The following FUCA1 variants were observed in gnomAD, a reference collection of about 807,000 sequenced individuals.
The protein encoded by FUCA1 is tissue alpha-L-fucosidase.
A neutral mutation model predicts 56.8 loss-of-function variants in FUCA1; 52 were observed. The ratio of observed to expected loss-of-function variants is 0.92; its 90% CI spans 0.73 to 1.15. FUCA1 has a LOEUF of 1.15. Ranked by LOEUF, FUCA1 falls within the 50% of genes most tolerant of loss-of-function variation. The pLI, the probability that FUCA1 is intolerant of heterozygous loss-of-function variation, is 0.00. For synonymous variants in FUCA1, 230 were observed against 226.6 expected, an observed-to-expected ratio of 1.02 and a Z score of -0.14; for missense variants, 568 against 592.6, an observed-to-expected ratio of 0.96 and a Z score of 0.43.
At chr1:23,861,714 T>C (rs1235868867) in intron 3 of FUCA1, among the ~76,000 whole-genome samples, 2 of 152,218 alleles carry the variant, frequency 1.3e-5, no homozygotes, top group East Asian at 3.8e-4. Flanking sequence ...GTAAGCATTA[T>C]TATTCTCATT....
chr1:23,863,487 T>C (rs1161586082), intron 2 of FUCA1, among the ~76,000 whole-genome samples: 2 of 152,234 alleles, frequency 1.3e-5, no homozygotes, highest in Non-Finnish European at 2.9e-5. Context: ...TAACTACCTT[T>C]TATACATAAA....
intron 4 of FUCA1, among the ~76,000 whole-genome samples, chr1:23,857,034 C>T (rs771472998): frequency 1.3e-5 from 2 of 151,742 alleles, no homozygotes; most frequent in Non-Finnish European, 2.9e-5. Context: ...AAAGTTCAGG[C>T]TGTCTAGCTA....
At chr1:23,863,007 C>T (rs1639540165) in intron 3 of FUCA1, 127 bp downstream of exon 3, 3 of 1,034,528 alleles carry the variant, frequency 2.9e-6, no homozygotes, top group Non-Finnish European at 4.5e-6. Context: ...ACAACCACCA[C>T]TTTTTATTAT....
At chr1:23,858,590 C>G (rs1422621050) in intron 4 of FUCA1, among the ~76,000 whole-genome samples, 1 of 152,178 alleles carries the variant, frequency 6.6e-6, no homozygotes, top group Non-Finnish European at 1.5e-5. Flanking sequence ...GGGAGGCGTA[C>G]TGGGTAGGCA....
Position 23,858,587 on chromosome 1 carries a change from G to T in FUCA1, c.768+1211C>A, listed in dbSNP as rs567096240. Among the ~76,000 whole-genome samples the T allele has an allele frequency of 2.0e-5, 3 of 152,178 alleles. No homozygotes were observed. The South Asian group carries it at 6.2e-4, about 31-fold the overall frequency. On this transcript the variant is annotated intron_variant, in intron 4 of 7. Transcript: ENST00000374479. ...CTCATAGTGTTGATTATAGGGAGGC[G>T]TACTGGGTAGGCAACATTCCCCCAA...
chr1:23,848,921 A>G, intron 5 of FUCA1, 82 bp from the exon 6 acceptor site: 1 of 1,180,914 alleles, frequency 8.5e-7, no homozygotes, highest in Non-Finnish European at 1.3e-6. Context: ...GAAGAAAAAG[A>G]ATCTAGGGCA....
Position 23,857,740 on chromosome 1 carries a change from TC to T in FUCA1, c.768+2057del, listed in dbSNP as rs1370866844. Among the ~76,000 whole-genome samples, 4 of 151,906 alleles carry T rather than the reference TC, an allele frequency of 2.6e-5. No homozygotes were observed. The East Asian group carries it at 7.8e-4, about 29-fold the overall frequency. On this transcript the variant is annotated intron_variant, in intron 4 of 7. Transcript: ENST00000374479. ...TGGAGTGCAGTGGCGCCATCTTGGC[TC>T]ACTGCAAGCTCCGCCTCCCGGGTTC...
chr1:23,861,435 A>AT (rs1187352256), intron 3 of FUCA1, among the ~76,000 whole-genome samples: 1 of 151,126 alleles, frequency 6.6e-6, no homozygotes, highest in African/African-American at 2.5e-5. Flanking sequence ...TTAAAGTATA[A>AT]TAAAAAAAAA....
At position 23,863,902 on chromosome 1, in the gene FUCA1, A is replaced by T. The variant is rs374158790; in HGVS notation, c.525-631T>A. Among the ~76,000 whole-genome samples, 7 of 152,242 alleles carry T rather than the reference A, an allele frequency of 4.6e-5. No homozygotes were observed. In the South Asian group the frequency reaches 6.2e-4, roughly 14 times the overall value. Reference sequence around the variant, plus strand: ...CAAAAAACCATATAGCCTTATTTTTAAAAAATGTCTTCCCTGTCAATCATA... The same window carrying T: ...CAAAAAACCATATAGCCTTATTTTTTAAAAATGTCTTCCCTGTCAATCATA... On this transcript the variant is annotated intron_variant, in intron 2 of 7. Transcript: ENST00000374479.
chr1:23,854,804 G>A (rs935362493), intron 4 of FUCA1, among the ~76,000 whole-genome samples: 1 of 152,158 alleles, frequency 6.6e-6, no homozygotes, highest in Admixed American at 6.5e-5. Context: ...GTCCTACAAT[G>A]CACAGGACAG....
In FUCA1 at chr1:23,867,445, C is replaced by T. The variant is rs1424389421; in HGVS notation, c.389+453G>A. ...CTCCCCTCTCTTTCCCTCTTAGAGA[C>T]ATTAGGGCTCAAAGGGTTGTATCCT... On this transcript the variant is annotated intron_variant, in intron 1 of 7. Transcript: ENST00000374479. The surrounding 1 kb of genome is among the most constrained non-coding windows in gnomAD (Gnocchi z 4.9). Among the ~76,000 whole-genome samples the T allele has an allele frequency of 4.6e-5, 7 of 152,190 alleles. No individual in the cohort carries two copies. The highest frequency in any genetic ancestry group is 2.1e-4 in the South Asian group (1 of 4,832).
chr1:23,849,912 G>A (rs1367747067), intron 5 of FUCA1, among the ~76,000 whole-genome samples: 1 of 151,902 alleles, frequency 6.6e-6, no homozygotes, highest in Admixed American at 6.6e-5. Flanking sequence ...TTCTGGAGTG[G>A]GATTTGGGTG....
chr1:23,845,818 G>C lies in FUCA1; in HGVS notation c.1298C>G (p.Ser433Cys). Residue 433 changes from serine to cysteine, a missense_variant, in exon 8 of 8, where the codon TCC (serine) becomes TGC (cysteine). By Grantham distance (112) the Ser-to-Cys change is moderately radical (BLOSUM62 -1). Transcript: ENST00000374479. The part of the protein sequence containing the change: ...MLGIQGDLKW[S>C]TDPDKGLFIS... ...GAAGAGACCTTTATCTGGATCTGTG[G>C]ACCACTTCAGATCTCCTTGAATTCC... 6.2e-7 allele frequency: 1 copy of C among 1,614,118 alleles called. No individual in the cohort carries two copies. The highest frequency in any genetic ancestry group is 8.5e-7 in the Non-Finnish European group (1 of 1,179,994).
chr1:23,855,429 G>A (rs927136146), intron 4 of FUCA1, among the ~76,000 whole-genome samples: 1 of 152,160 alleles, frequency 6.6e-6, no homozygotes, highest in Non-Finnish European at 1.5e-5. Flanking sequence ...CCTGGGAGGC[G>A]GAGGTAGCAG....
intron 4 of FUCA1, among the ~76,000 whole-genome samples, chr1:23,856,952 A>G (rs1268462146): frequency 1.3e-5 from 2 of 151,600 alleles, no homozygotes; most frequent in Non-Finnish European, 2.9e-5. Flanking sequence ...AGATCGTGCC[A>G]TTGTACTCCA....
chr1:23,856,714 G>A (rs996757838), intron 4 of FUCA1, among the ~76,000 whole-genome samples: 1 of 152,148 alleles, frequency 6.6e-6, no homozygotes, highest in Non-Finnish European at 1.5e-5. Context: ...GAGGCCGGCC[G>A]GGAGCGGTGG....
chr1:23,857,569 C>G (rs1180095150), intron 4 of FUCA1, among the ~76,000 whole-genome samples: 1 of 152,024 alleles, frequency 6.6e-6, no homozygotes, highest in Non-Finnish European at 1.5e-5. Flanking sequence ...ACGATCTCTG[C>G]TCACTGCAAC....
chr1:23,854,461 C>T lies in FUCA1; in HGVS notation c.868G>A (p.Asp290Asn), dbSNP rs75146878. The change falls in exon 5 of 8, where the codon GAT (aspartate) becomes AAT (asparagine). Residue 290 changes from aspartate to asparagine, a missense_variant. Asp to Asn is a conservative substitution (Grantham distance 23, BLOSUM62 1). Transcript: ENST00000374479. The stretch of plus-strand genomic sequence containing the variant: ...CTGGTGCACATCTCCCACTTGTGAT[C>T]TGGCAAGCTCTGTGGCTTGAATTTA... The part of the protein sequence containing the change: ...EDKFKPQSLP[D>N]HKWEMCTSID... The T allele has an allele frequency of 8.1e-6, 13 of 1,614,130 alleles. No individual in the cohort carries two copies. The East Asian group carries it at 2.5e-4, about 30-fold the overall frequency.
In FUCA1 at chr1:23,860,700, G is replaced by A. The variant is rs148411211; in HGVS notation, c.663-797C>T. ...GTCTCCCAGGCTGGAGTGCAGTGCT[G>A]TGATCTCGGCTCACTGCAACCTTCA... On this transcript the variant is annotated intron_variant, in intron 3 of 7. Transcript: ENST00000374479. Among the ~76,000 whole-genome samples, 1,292 of 147,910 alleles carry A rather than the reference G, an allele frequency of 8.7e-3. 21 individuals carry two copies. The highest frequency in any genetic ancestry group is 0.031 in the African/African-American group (1,226 of 40,042).
Sources: allele counts gnomAD v4.1 joint callset (sites outside exome capture counted in the v4.1 genomes callset), GRCh38; gene constraint gnomAD v4.1.1; non-coding constraint Gnocchi (gnomAD v3.1); transcripts MANE v1.5; gene names NCBI Gene and HGNC (gene_info 2026-07-23, HGNC 2026-07-21).